The following THOC5 variants were observed in gnomAD, a reference collection of about 807,000 sequenced individuals.
THOC5 encodes the protein THO complex subunit 5, also known as Fms-interacting protein.
THOC5 carries 43 observed loss-of-function variants against 92.9 expected under a neutral mutation model. The observed-to-expected ratio is 0.46, with a 90% CI of 0.36 to 0.60. THOC5 has a LOEUF of 0.60. Ranked by LOEUF, THOC5 falls within the 20% of genes least tolerant of loss-of-function variation. THOC5 has a pLI of 0.00. For missense variants in THOC5, 659 were observed against 849.4 expected (o/e 0.78, Z 2.79); for synonymous variants, 296 against 320.1 (o/e 0.92, Z 0.80).
At chr22:29,512,682 CAAT>C (rs1405885113) in intron 17 of THOC5, among the ~76,000 whole-genome samples, 1 of 152,194 alleles carries the variant, frequency 6.6e-6, no homozygotes, top group African/African-American at 2.4e-5. Flanking sequence ...TTCATCCTAA[CAAT>C]AATTCTATGA....
chr22:29,552,093 G>A (rs1437641952), intron 1 of THOC5, among the ~76,000 whole-genome samples: 1 of 152,178 alleles, frequency 6.6e-6, no homozygotes, highest in African/African-American at 2.4e-5. Context: ...AGTGCTCAAT[G>A]GTGCCCAGGC....
chr22:29,531,800 C>T, intron 8 of THOC5, 31 bp downstream of exon 8: 1 of 1,602,052 alleles, frequency 6.2e-7, no homozygotes, highest in South Asian at 1.1e-5. Context: ...GCTCCCATAG[C>T]CCCTTGTCCT....
chr22:29,517,739 G>A (rs531084867), intron 15 of THOC5, among the ~76,000 whole-genome samples: 2 of 152,334 alleles, frequency 1.3e-5, no homozygotes, highest in East Asian at 3.9e-4. Context: ...CTTGATGGAG[G>A]AAACAACTGA....
intron 12 of THOC5, among the ~76,000 whole-genome samples, chr22:29,523,456 A>T (rs1024629541): frequency 2.0e-5 from 3 of 152,096 alleles, no homozygotes; most frequent in East Asian, 1.9e-4. Flanking sequence ...CCACAAAAAA[A>T]TTTCGAAAAC....
chr22:29,533,659 TCTCCAGGCAA>T (rs1486346841), intron 7 of THOC5, among the ~76,000 whole-genome samples: 1 of 152,122 alleles, frequency 6.6e-6, no homozygotes, highest in African/African-American at 2.4e-5. Context: ...AAAAAACTCA[TCTCCAGGCAA>T]CCCAACAGAA....
intron 14 of THOC5, among the ~76,000 whole-genome samples, chr22:29,519,326 G>A (rs1316621001): frequency 6.6e-6 from 1 of 152,218 alleles, no homozygotes; most frequent in Non-Finnish European, 1.5e-5. Flanking sequence ...GCGTTCTTGA[G>A]AAGCTGTGTC....
intron 8 of THOC5, among the ~76,000 whole-genome samples, chr22:29,530,530 AT>A (rs1569221521): frequency 6.6e-6 from 1 of 152,034 alleles, no homozygotes; most frequent in East Asian, 1.9e-4. Context: ...AAAAAAAAAA[AT>A]TTTTTTTAAT....
intron 11 of THOC5, 80 bp from the exon 12 acceptor site, chr22:29,526,026 T>TG (rs1403128466): frequency 3.1e-5 from 13 of 418,952 alleles, no homozygotes; most frequent in African/African-American, 2.3e-4. Flanking sequence ...GGTAGTAAGG[T>TG]GGGGGGGTCA....
chr22:29,517,655 T>A (rs1428241577), intron 15 of THOC5, among the ~76,000 whole-genome samples: 1 of 152,218 alleles, frequency 6.6e-6, no homozygotes, highest in Admixed American at 6.5e-5. Context: ...CAGTCAGAAC[T>A]AGGGAGGGTG....
intron 5 of THOC5, among the ~76,000 whole-genome samples, chr22:29,541,893 A>T (rs5763312): frequency 6.0e-4 from 44 of 73,796 alleles, no homozygotes; most frequent in African/African-American, 2.0e-3. Flanking sequence ...AAAAAAAAAA[A>T]ATATATATAT....
At chr22:29,510,504 G>A (rs1170044310) in intron 19 of THOC5, among the ~76,000 whole-genome samples, 3 of 152,074 alleles carry the variant, frequency 2.0e-5, no homozygotes, top group East Asian at 1.9e-4. Context: ...AGGCTGAGGC[G>A]GAAGGATCGT....
intron 2 of THOC5, among the ~76,000 whole-genome samples, chr22:29,546,186 G>T (rs1415408575): frequency 6.6e-6 from 1 of 152,166 alleles, no homozygotes; most frequent in East Asian, 1.9e-4. Context: ...AGGGCACCAA[G>T]TCCCTAGGCT....
intron 14 of THOC5, among the ~76,000 whole-genome samples, chr22:29,519,339 A>G (rs1322458184): frequency 7.9e-5 from 12 of 152,040 alleles, no homozygotes. Context: ...GCTGTGTCCA[A>G]CTCCTGAGGA....
chr22:29,539,943 G>C (rs2063843972), intron 5 of THOC5, among the ~76,000 whole-genome samples: 1 of 152,186 alleles, frequency 6.6e-6, no homozygotes, highest in Admixed American at 6.5e-5. Flanking sequence ...AAAAGATCTA[G>C]AGGCTTAAAC....
rs760028216 is a variant in THOC5 at position 29,519,022 on chromosome 22, T to C, written c.1473A>G (p.Lys491=). ...TRVQSRLALH[K]QFASLEHGIV... ...TCAGCTTACCTAGGGATGCAAACTG[T>C]TTGTGGAGGGCCAGGCGGGACTGCA... Residue 491 remains lysine, a synonymous_variant, in exon 15 of 20, where the codon AAA becomes AAG. Coordinates refer to ENST00000490103, the MANE Select transcript of THOC5 (RefSeq NM_003678.5). 6.2e-7 allele frequency: 1 copy of C among 1,605,868 alleles called. No homozygotes were observed.
At chr22:29,526,843 G>C (rs2063554904) in intron 11 of THOC5, among the ~76,000 whole-genome samples, 3 of 152,142 alleles carry the variant, frequency 2.0e-5, no homozygotes, top group Admixed American at 6.5e-5. Flanking sequence ...TGAAACACAA[G>C]GAAAGACTGA....
chr22:29,539,149 C>A (rs2063826489), intron 6 of THOC5, among the ~76,000 whole-genome samples, 181 bp downstream of exon 6: 1 of 149,738 alleles, frequency 6.7e-6, no homozygotes, highest in South Asian at 2.1e-4. Context: ...GCAATTATAA[C>A]CCCAACCCCA....
In THOC5 at chr22:29,529,322, T is replaced by C. The variant is rs563357919; in HGVS notation, c.848-83A>G. On this transcript the variant is annotated intron_variant, in intron 8 of 19. Transcript: ENST00000490103. ...TGAGTAGGCCAGCTCTGGGGCTGCATTTCTCCCACCTCTGCCCAGCTCCTT... is the reference window on the plus strand; with the variant it reads ...TGAGTAGGCCAGCTCTGGGGCTGCACTTCTCCCACCTCTGCCCAGCTCCTT... 2.1e-6 allele frequency: 3 copies of C among 1,413,358 alleles called. No individual in the cohort carries two copies. The South Asian group carries it at 3.5e-5, about 16-fold the overall frequency. 87.6% of individuals were successfully genotyped at this position (1,413,358 alleles called of 1,614,324 possible).
intron 2 of THOC5, among the ~76,000 whole-genome samples, chr22:29,546,600 C>T (rs918121532): frequency 9.9e-5 from 15 of 151,432 alleles, no homozygotes; most frequent in African/African-American, 2.7e-4. Context: ...CCACCAGGCC[C>T]GGCTAATTTC....
Sources: gnomAD v4.1 joint callset for allele counts (sites outside exome capture counted in the v4.1 genomes callset) on GRCh38, gnomAD v4.1.1 for gene constraint, MANE v1.5 for transcripts, NCBI Gene and HGNC (gene_info 2026-07-23, HGNC 2026-07-21) for gene names.